Variants in TCF7L2 observed in about 807,000 individuals in gnomAD.
TCF7L2 encodes transcription factor 7-like 2.
Under a neutral mutation model 77.9 loss-of-function variants are expected in TCF7L2, and 23 were observed. That is an observed-to-expected ratio of 0.30 (90% CI 0.21 to 0.42). TCF7L2 has a LOEUF of 0.42. Ranked by LOEUF, TCF7L2 falls within the 10% of genes least tolerant of loss-of-function variation. The pLI is 1.00. For missense variants in TCF7L2, 654 were observed against 793.1 expected (o/e 0.82, Z 2.11); for synonymous variants, 413 against 340.2 (o/e 1.21, Z -2.36).
intron 5 of TCF7L2, among the ~76,000 whole-genome samples, chr10:113,099,478 C>T (rs2061399555): frequency 6.6e-6 from 1 of 152,188 alleles, no homozygotes; most frequent in Non-Finnish European, 1.5e-5. Context: ...GCATCCCCAC[C>T]CAGGCTCTGG....
chr10:112,968,955 C>T (rs143648737), intron 4 of TCF7L2, among the ~76,000 whole-genome samples: 48 of 152,132 alleles, frequency 3.2e-4, no homozygotes, highest in Non-Finnish European at 5.6e-4. Context: ...CTCAGCGCTT[C>T]TATTGTGGTT....
At chr10:112,956,734 G>A (rs1021177835) in intron 3 of TCF7L2, among the ~76,000 whole-genome samples, 2 of 152,092 alleles carry the variant, frequency 1.3e-5, no homozygotes, top group Non-Finnish European at 2.9e-5. Flanking sequence ...GCTGGCAAGC[G>A]CACCACCAGG....
chr10:113,024,579 A>C (rs1432284585), intron 4 of TCF7L2, among the ~76,000 whole-genome samples: 1 of 151,110 alleles, frequency 6.6e-6, no homozygotes, highest in African/African-American at 2.4e-5. Flanking sequence ...TGGGACCCAA[A>C]TCTGAACAGG....
chr10:113,160,790 C>A lies in TCF7L2; in HGVS notation c.1391+99C>A, dbSNP rs1379172046. 3.5e-6 allele frequency: 4 copies of A among 1,143,274 alleles called. No homozygotes were observed. In the Admixed American group the frequency reaches 7.6e-5, roughly 22 times the overall value. 70.8% of individuals were successfully genotyped at this position (1,143,274 alleles called of 1,614,324 possible). Reference sequence around the variant, plus strand: ...TTTTGACCTCGTTCCCCATCTACTTCCCCTCTGGCATCAATGACTAATGAT... The same window carrying A: ...TTTTGACCTCGTTCCCCATCTACTTACCCTCTGGCATCAATGACTAATGAT... On this transcript the variant is annotated intron_variant, in intron 13 of 13. Transcript: ENST00000627217.
intron 5 of TCF7L2, among the ~76,000 whole-genome samples, chr10:113,066,236 A>C (rs2057239758): frequency 6.6e-6 from 1 of 152,214 alleles, no homozygotes; most frequent in East Asian, 1.9e-4. Flanking sequence ...TTGGTGGTGC[A>C]TGCCTGTAAT....
At chr10:113,044,074 C>T (rs1056831656) in intron 5 of TCF7L2, among the ~76,000 whole-genome samples, 14 of 152,076 alleles carry the variant, frequency 9.2e-5, no homozygotes, top group Non-Finnish European at 2.1e-4. Flanking sequence ...AGAATTTTAC[C>T]TTGGGGTGGA....
intron 8 of TCF7L2, among the ~76,000 whole-genome samples, chr10:113,148,316 G>C (rs2069941901): frequency 6.6e-6 from 1 of 152,140 alleles, no homozygotes; most frequent in Admixed American, 6.6e-5. Context: ...TCTGAAATCT[G>C]CCGGCTTCAA....
At chr10:113,016,091 G>A (rs1194627389) in intron 4 of TCF7L2, among the ~76,000 whole-genome samples, 2 of 151,010 alleles carry the variant, frequency 1.3e-5, no homozygotes, top group Non-Finnish European at 2.9e-5. Flanking sequence ...TTGAGACGGA[G>A]TCTTGCTTTG....
At chr10:112,994,128 A>G (rs2043070061) in intron 4 of TCF7L2, among the ~76,000 whole-genome samples, 2 of 151,934 alleles carry the variant, frequency 1.3e-5, no homozygotes, top group South Asian at 2.1e-4. Flanking sequence ...TTTGAGGTGT[A>G]CAATTGAGTG....
chr10:112,967,755 C>A (rs996508269), intron 4 of TCF7L2, among the ~76,000 whole-genome samples: 1 of 151,970 alleles, frequency 6.6e-6, no homozygotes, highest in African/African-American at 2.4e-5. Flanking sequence ...CCTGCCTCAG[C>A]CTCCCGAGTA....
chr10:113,078,942 C>T (rs903834334), intron 5 of TCF7L2, among the ~76,000 whole-genome samples: 21 of 151,948 alleles, frequency 1.4e-4, no homozygotes, highest in Non-Finnish European at 2.9e-4. Flanking sequence ...AAGTGATTCT[C>T]CTGCCTCAGC....
At position 113,152,369 on chromosome 10, in the gene TCF7L2, T is replaced by C. The variant is rs1012941700; in HGVS notation, c.1198T>C (p.Tyr400His). 6.2e-7 allele frequency: 1 copy of C among 1,614,104 alleles called. No individual in the cohort carries two copies. The highest frequency in any genetic ancestry group is 8.5e-7 in the Non-Finnish European group (1 of 1,180,044). ...GTCCAGAGAAGAGCAAGCGAAATAC[T>C]ACGAGCTGGCCCGGAAGGAGCGACA... The change falls in exon 11 of 14, where the codon TAC becomes CAC. Residue 400 changes from tyrosine (Y) to histidine (H), a missense_variant. Physicochemically the swap from Tyr to His is moderately conservative, Grantham distance 83. Transcript: ENST00000627217.
At chr10:112,952,374 C>T (rs2031960033) in intron 3 of TCF7L2, among the ~76,000 whole-genome samples, 1 of 152,084 alleles carries the variant, frequency 6.6e-6, no homozygotes, top group Non-Finnish European at 1.5e-5. Context: ...CCGCGAGCGC[C>T]CTGGGCGCCG....
At chr10:113,133,901 G>A (rs1358508783) in intron 5 of TCF7L2, among the ~76,000 whole-genome samples, 1 of 152,190 alleles carries the variant, frequency 6.6e-6, no homozygotes, top group East Asian at 1.9e-4. Context: ...GCAGCCTGCG[G>A]GGGTAGGTTC....
At chr10:113,143,619 T>G (rs1168193577) in intron 6 of TCF7L2, among the ~76,000 whole-genome samples, 1 of 152,244 alleles carries the variant, frequency 6.6e-6, no homozygotes, top group Non-Finnish European at 1.5e-5. Context: ...TTTTTGATGT[T>G]GTTTCTTTTA....
At chr10:113,164,253 G>C (rs147500093) in intron 13 of TCF7L2, among the ~76,000 whole-genome samples, 1 of 152,236 alleles carries the variant, frequency 6.6e-6, no homozygotes, top group African/African-American at 2.4e-5. Flanking sequence ...GATTTTCCCC[G>C]ACCTCATCCT....
At chr10:113,041,665 T>A (rs1358742597) in intron 5 of TCF7L2, among the ~76,000 whole-genome samples, 2 of 152,154 alleles carry the variant, frequency 1.3e-5, no homozygotes, top group Admixed American at 6.5e-5. Flanking sequence ...TAATGCAGGT[T>A]TCTCCAAAAG....
At chr10:113,128,614 A>G (rs930855699) in intron 5 of TCF7L2, among the ~76,000 whole-genome samples, 3 of 152,154 alleles carry the variant, frequency 2.0e-5, no homozygotes, top group Non-Finnish European at 4.4e-5. Flanking sequence ...CTGCATGCAA[A>G]TCGGAGTTGT....
chr10:113,120,071 G>A (rs918132122), intron 5 of TCF7L2, among the ~76,000 whole-genome samples: 1 of 152,156 alleles, frequency 6.6e-6, no homozygotes, highest in South Asian at 2.1e-4. Flanking sequence ...CTGTTGCCGC[G>A]GGCTGAGAAT....
Sources: gnomAD v4.1 joint callset for allele counts (sites outside exome capture counted in the v4.1 genomes callset) on GRCh38, gnomAD v4.1.1 for gene constraint, MANE v1.5 for transcripts, NCBI Gene and HGNC (gene_info 2026-07-23, HGNC 2026-07-21) for gene names.